The following TACR1 variants were observed in gnomAD, a reference collection of about 807,000 sequenced individuals.
TACR1 encodes substance-P receptor.
TACR1 carries 25 observed loss-of-function variants against 35.8 expected under a neutral mutation model. That is an observed-to-expected ratio of 0.70 (90% CI 0.51 to 0.98). The LOEUF (loss-of-function observed/expected upper bound fraction) is 0.98, where lower values mean the gene tolerates loss of function less well. TACR1 is among the 50% of genes least tolerant of loss of function. The pLI is 0.00. For missense variants in TACR1, 478 were observed against 522.9 expected (o/e 0.91, Z 0.84); for synonymous variants, 195 against 206.7 (o/e 0.94, Z 0.48).
intron 1 of TACR1, among the ~76,000 whole-genome samples, chr2:75,131,068 TAATATC>T (rs1345863467): frequency 1.3e-5 from 2 of 152,132 alleles, no homozygotes; most frequent in Non-Finnish European, 2.9e-5. Flanking sequence ...GAAAATCAGT[TAATATC>T]AATAATGAGC....
intron 1 of TACR1, among the ~76,000 whole-genome samples, chr2:75,159,050 C>CTT (rs61311422): frequency 2.0e-5 from 3 of 150,296 alleles, no homozygotes; most frequent in African/African-American, 7.3e-5. Flanking sequence ...TTATTGGTAC[C>CTT]TTTTTTTTTT....
chr2:75,125,395 AG>A (rs1264330096), intron 1 of TACR1, among the ~76,000 whole-genome samples: 4 of 152,034 alleles, frequency 2.6e-5, no homozygotes, highest in Admixed American at 6.6e-5. Flanking sequence ...CATGTTTGCT[AG>A]GCTGGTCTTG....
chr2:75,082,795 G>A (rs1179626304), intron 2 of TACR1, among the ~76,000 whole-genome samples: 3 of 152,146 alleles, frequency 2.0e-5, no homozygotes, highest in East Asian at 3.9e-4. Flanking sequence ...TTGTAAATTT[G>A]TTTGAGTTCA....
chr2:75,066,042 C>T (rs1359335168), intron 2 of TACR1, among the ~76,000 whole-genome samples: 3 of 152,136 alleles, frequency 2.0e-5, no homozygotes, highest in Non-Finnish European at 4.4e-5. Flanking sequence ...TAACAACTGG[C>T]CAGGAACCTT....
intron 1 of TACR1, among the ~76,000 whole-genome samples, chr2:75,191,073 G>A (rs115600147): frequency 9.1e-4 from 138 of 152,220 alleles, no homozygotes; most frequent in African/African-American, 3.2e-3. Flanking sequence ...TTCATCTTTG[G>A]TGCTCCTCAT....
At chr2:75,141,478 G>A (rs1484379400) in intron 1 of TACR1, among the ~76,000 whole-genome samples, 1 of 151,474 alleles carries the variant, frequency 6.6e-6, no homozygotes, top group Non-Finnish European at 1.5e-5. Flanking sequence ...AGGAGCATAG[G>A]AATTACAGCT....
chr2:75,146,812 A>G (rs1674526188), intron 1 of TACR1, among the ~76,000 whole-genome samples: 1 of 152,328 alleles, frequency 6.6e-6, no homozygotes, highest in African/African-American at 2.4e-5. Context: ...ATACAAACAG[A>G]TGGCATTATT....
chr2:75,157,971 C>A (rs1674903445), intron 1 of TACR1, among the ~76,000 whole-genome samples: 1 of 152,238 alleles, frequency 6.6e-6, no homozygotes, highest in African/African-American at 2.4e-5. Context: ...AAGAAACTTG[C>A]ATATGCACAC....
intron 1 of TACR1, among the ~76,000 whole-genome samples, chr2:75,157,403 C>T (rs1674889673): frequency 6.6e-6 from 1 of 152,154 alleles, no homozygotes. Context: ...GACTCAGGTC[C>T]TGACAAACAA....
At chr2:75,166,286 ATCTTT>A (rs1198856651) in intron 1 of TACR1, among the ~76,000 whole-genome samples, 4 of 152,234 alleles carry the variant, frequency 2.6e-5, no homozygotes, top group South Asian at 2.1e-4. Flanking sequence ...ACTAGCGCAA[ATCTTT>A]TCTTTACAGG....
At position 75,049,330 on chromosome 2, in the gene TACR1, G is replaced by T; in HGVS notation, c.*102C>A. 7.5e-7 allele frequency: 1 copy of T among 1,329,308 alleles called. No homozygotes were observed. The highest frequency in any genetic ancestry group is 1.0e-6 in the Non-Finnish European group (1 of 966,786). The allele number at this position is 1,329,308 out of a possible 1,614,324, so 82.3% of individuals were successfully genotyped here. A position where few individuals can be genotyped will look rare whatever the true frequency, so the allele number is the denominator to read the frequency against. On this transcript the variant is annotated 3_prime_UTR_variant, in exon 5 of 5. Coordinates refer to ENST00000305249, the MANE Select transcript of TACR1 (RefSeq NM_001058.4). ...ATACTGACCCTTTTTGCAAGTCCCA[G>T]TGTGAGGGTGTTTCTGATGGTTCCA...
At chr2:75,120,550 G>T in intron 2 of TACR1, 24 bp downstream of exon 2, 1 of 1,566,862 alleles carries the variant, frequency 6.4e-7, no homozygotes, top group Non-Finnish European at 8.7e-7. Context: ...CGTTTCTTTG[G>T]CATGGGGAGT....
At chr2:75,096,226 T>G (rs866037061) in intron 2 of TACR1, among the ~76,000 whole-genome samples, 3 of 152,214 alleles carry the variant, frequency 2.0e-5, no homozygotes, top group African/African-American at 7.2e-5. Context: ...TGTGCTGCTC[T>G]TTGAACATCT....
intron 2 of TACR1, among the ~76,000 whole-genome samples, chr2:75,108,077 T>C (rs1013900770): frequency 2.0e-5 from 3 of 152,114 alleles, no homozygotes; most frequent in Non-Finnish European, 4.4e-5. Flanking sequence ...AAATGTATTA[T>C]AGAGTTTCTT....
chr2:75,078,937 G>C (rs1673028744), intron 2 of TACR1, among the ~76,000 whole-genome samples: 1 of 151,956 alleles, frequency 6.6e-6, no homozygotes, highest in South Asian at 2.1e-4. Context: ...TATTTTAAGG[G>C]AAAAATATGA....
intron 2 of TACR1, among the ~76,000 whole-genome samples, chr2:75,115,603 A>G (rs929015821): frequency 1.3e-5 from 2 of 152,208 alleles, no homozygotes; most frequent in African/African-American, 4.8e-5. Flanking sequence ...AAAGCAGAAT[A>G]CTAAAAAAAG....
intron 2 of TACR1, among the ~76,000 whole-genome samples, chr2:75,091,987 A>G (rs1360644467): frequency 2.6e-5 from 4 of 152,342 alleles, no homozygotes; most frequent in African/African-American, 9.6e-5. Flanking sequence ...TCTATCTCCA[A>G]AGATTGTGAG....
At chr2:75,188,071 G>A (rs77585474) in intron 1 of TACR1, 2 of 151,964 alleles carry the variant, frequency 1.3e-5, no homozygotes, top group East Asian at 3.9e-4. Flanking sequence ...TGTTTGAAGA[G>A]CCCAGCTAAG....
intron 1 of TACR1, among the ~76,000 whole-genome samples, chr2:75,177,343 T>A (rs904984144): frequency 6.6e-6 from 1 of 152,212 alleles, no homozygotes; most frequent in Non-Finnish European, 1.5e-5. Context: ...CATACATGAT[T>A]AATTCAACTC....
Sources: gnomAD v4.1 joint callset for allele counts (sites outside exome capture counted in the v4.1 genomes callset) on GRCh38, gnomAD v4.1.1 for gene constraint, MANE v1.5 for transcripts, NCBI Gene and HGNC (gene_info 2026-07-23, HGNC 2026-07-21) for gene names.